Variants in TNFSF4 observed in about 807,000 individuals in gnomAD.
TNFSF4 encodes TNF superfamily member 4, also known as tumor necrosis factor ligand superfamily member 4.
Under a neutral mutation model 7.3 loss-of-function variants are expected in TNFSF4, and 4 were observed. The ratio of observed to expected loss-of-function variants is 0.55; its 90% CI spans 0.27 to 1.25. The LOEUF is 1.25. Ranked by LOEUF, TNFSF4 falls within the 50% of genes most tolerant of loss-of-function variation. The pLI is 0.12. For missense variants in TNFSF4, 181 were observed against 208.8 expected, an observed-to-expected ratio of 0.87 and a Z score of 0.82; for synonymous variants, 76 against 83.7, an observed-to-expected ratio of 0.91 and a Z score of 0.50.
At chr1:173,448,508 AAG>A in the TNFSF4 span, among the ~76,000 whole-genome samples, 1 of 152,176 alleles carries the variant, frequency 6.6e-6, no homozygotes, top group Non-Finnish European at 1.5e-5. Flanking sequence ...TGAGTCCGAA[AAG>A]AGAGTCAGAG....
chr1:173,323,131 C>T, the TNFSF4 span, among the ~76,000 whole-genome samples: 2 of 152,294 alleles, frequency 1.3e-5, no homozygotes, highest in Middle Eastern at 3.4e-3. Flanking sequence ...CTGGGAGGCA[C>T]CCCACAGGAG....
chr1:173,356,948 G>C, the TNFSF4 span, among the ~76,000 whole-genome samples: 1 of 152,166 alleles, frequency 6.6e-6, no homozygotes, highest in Admixed American at 6.5e-5. Context: ...TTCTGTATAA[G>C]CAACTCTTAT....
the TNFSF4 span, among the ~76,000 whole-genome samples, chr1:173,316,539 G>A: frequency 3.7e-4 from 56 of 152,038 alleles, no homozygotes; most frequent in South Asian, 0.011. Context: ...ACCATGATTA[G>A]TTTATGTGTT....
the TNFSF4 span, among the ~76,000 whole-genome samples, chr1:173,404,573 C>T: frequency 3.3e-5 from 5 of 152,196 alleles, no homozygotes; most frequent in East Asian, 9.7e-4. Context: ...GGCTCATGCC[C>T]TCACCTACTT....
At chr1:173,303,614 A>G in the TNFSF4 span, among the ~76,000 whole-genome samples, 2 of 151,880 alleles carry the variant, frequency 1.3e-5, no homozygotes, top group Non-Finnish European at 2.9e-5. Flanking sequence ...TTTTTAAATT[A>G]TAAAAGATGT....
At chr1:173,183,087 T>A (rs1215787805), downstream of TNFSF4, among the ~76,000 whole-genome samples, 1 of 152,154 alleles carries the variant, frequency 6.6e-6, no homozygotes, top group Non-Finnish European at 1.5e-5. Flanking sequence ...AACACAGACA[T>A]AGGCTAGACT....
chr1:173,421,447 C>G, the TNFSF4 span, among the ~76,000 whole-genome samples: 1 of 152,258 alleles, frequency 6.6e-6, no homozygotes, highest in South Asian at 2.1e-4. Flanking sequence ...ACCCTCCGAA[C>G]CGGGTTCCCT....
At chr1:173,283,759 A>G in the TNFSF4 span, among the ~76,000 whole-genome samples, 2 of 152,260 alleles carry the variant, frequency 1.3e-5, no homozygotes, top group African/African-American at 4.8e-5. Context: ...AATGGTAAAC[A>G]TATAGGTAAA....
intron 1 of TNFSF4, chr1:173,205,537 G>A (rs368508156): frequency 1.3e-5 from 17 of 1,353,226 alleles, no homozygotes; most frequent in Non-Finnish European, 9.5e-7. Flanking sequence ...AGCCTTGAAT[G>A]GAGCCATGTG....
At chr1:173,209,424 C>T (rs1028356066), upstream of TNFSF4, among the ~76,000 whole-genome samples, 70 of 152,210 alleles carry the variant, frequency 4.6e-4, no homozygotes, top group African/African-American at 1.4e-3. Context: ...ATCTTCAAAA[C>T]GTTTTTCAAA....
the TNFSF4 span, among the ~76,000 whole-genome samples, chr1:173,368,698 C>T: frequency 6.7e-6 from 1 of 148,198 alleles, no homozygotes; most frequent in Admixed American, 6.6e-5. Flanking sequence ...GCTTCGGGGT[C>T]CCGACAACAA....
the TNFSF4 span, among the ~76,000 whole-genome samples, chr1:173,376,484 C>T: frequency 7.2e-5 from 11 of 152,166 alleles, no homozygotes; most frequent in African/African-American, 2.4e-4. Context: ...AGAGGTGAAG[C>T]CAGCTGGGCT....
At chr1:173,395,017 TA>T in the TNFSF4 span, among the ~76,000 whole-genome samples, 12 of 129,176 alleles carry the variant, frequency 9.3e-5, no homozygotes, top group South Asian at 2.6e-4. Context: ...GATAGATAGA[TA>T]GATAGATAGA....
chr1:173,407,543 G>C, the TNFSF4 span, among the ~76,000 whole-genome samples: 3 of 113,228 alleles, frequency 2.6e-5, no homozygotes, highest in Admixed American at 3.9e-4. Flanking sequence ...CTGGGTGACA[G>C]AGCAAGACTC....
chr1:173,357,518 T>A, the TNFSF4 span, among the ~76,000 whole-genome samples: 10 of 151,566 alleles, frequency 6.6e-5, no homozygotes, highest in South Asian at 2.1e-3. Context: ...GAGTTCCTGT[T>A]GTGCTAACTC....
At chr1:173,425,205 C>A in the TNFSF4 span, among the ~76,000 whole-genome samples, 1 of 152,182 alleles carries the variant, frequency 6.6e-6, no homozygotes, top group African/African-American at 2.4e-5. Flanking sequence ...CTTCTGCCTT[C>A]TGGCTTACAC....
chr1:173,237,010 G>A, the TNFSF4 span, among the ~76,000 whole-genome samples: 1 of 152,194 alleles, frequency 6.6e-6, no homozygotes, highest in Admixed American at 6.5e-5. Flanking sequence ...AATCATAGGG[G>A]TGATTTCCCC....
chr1:173,401,134 G>A, the TNFSF4 span, among the ~76,000 whole-genome samples: 1 of 152,066 alleles, frequency 6.6e-6, no homozygotes, highest in Non-Finnish European at 1.5e-5. Flanking sequence ...TTACATCGTA[G>A]TGTTTAAGTT....
At chr1:173,272,193 G>A in the TNFSF4 span, among the ~76,000 whole-genome samples, 1 of 152,112 alleles carries the variant, frequency 6.6e-6, no homozygotes. Context: ...ACTGGGGCCT[G>A]TCGTGGGGTG....
Sources: allele counts gnomAD v4.1 joint callset (sites outside exome capture counted in the v4.1 genomes callset), GRCh38; gene constraint gnomAD v4.1.1; transcripts MANE v1.5; gene names NCBI Gene and HGNC (gene_info 2026-07-23, HGNC 2026-07-21).